The following MAPKAP1 variants were observed in gnomAD, a reference collection of about 807,000 sequenced individuals.
The protein encoded by MAPKAP1 is MAPK associated protein 1, also known as target of rapamycin complex 2 subunit MAPKAP1.
In MAPKAP1, 20 loss-of-function variants were observed where a neutral mutation model predicts 65.7. That is an observed-to-expected ratio of 0.30 (90% CI 0.21 to 0.44). The LOEUF is 0.44. Ranked by LOEUF, MAPKAP1 falls within the 20% of genes least tolerant of loss-of-function variation. The probability of loss-of-function intolerance (pLI) is 1.00; values close to 1 mark genes in which losing one functional copy is unlikely to be tolerated. For synonymous variants in MAPKAP1, 222 were observed against 244.3 expected, an observed-to-expected ratio of 0.91 and a Z score of 0.85; for missense variants, 423 against 648.0, an observed-to-expected ratio of 0.65 and a Z score of 3.77.
chr9:125,544,674 T>C (rs78488900), intron 6 of MAPKAP1, among the ~76,000 whole-genome samples: 2,994 of 152,294 alleles, frequency 0.02, 162 homozygotes, highest in East Asian at 0.15. Context: ...CTATGGAACA[T>C]GGGAATTGCC....
At chr9:125,569,325 G>A (rs2131533096) in intron 5 of MAPKAP1, among the ~76,000 whole-genome samples, 1 of 152,344 alleles carries the variant, frequency 6.6e-6, no homozygotes, top group South Asian at 2.1e-4. Context: ...TCTGGGAAAG[G>A]AAATGGAGAC....
At chr9:125,453,514 G>A (rs775291687) in intron 10 of MAPKAP1, among the ~76,000 whole-genome samples, 3 of 152,256 alleles carry the variant, frequency 2.0e-5, no homozygotes, top group Non-Finnish European at 2.9e-5. Flanking sequence ...TTTTGGAAAA[G>A]TGAGGCATAT....
chr9:125,438,388 C>T lies in MAPKAP1; in HGVS notation c.*499G>A. 2.5e-6 allele frequency: 1 copy of T among 399,104 alleles called. No homozygotes were observed. Among genetic ancestry groups the T allele is most frequent in the Non-Finnish European group, 4.4e-6 (1 of 226,186 alleles). The allele number at this position is 399,104 out of a possible 1,614,324, so 24.7% of individuals were successfully genotyped here. On this transcript the variant is annotated 3_prime_UTR_variant, in exon 12 of 12. Transcript: ENST00000265960. ...ATCGAACCATAGCTTTTCCAATCTG[C>T]CTGTTCAATATGGGAACAGATTTTA...
chr9:125,702,567 C>A (rs1835633743), intron 1 of MAPKAP1, among the ~76,000 whole-genome samples: 1 of 147,142 alleles, frequency 6.8e-6, no homozygotes, highest in Non-Finnish European at 1.5e-5. Flanking sequence ...CTAGCTAGTA[C>A]ATGGCCGGAT....
chr9:125,539,467 T>C (rs1421018413), intron 7 of MAPKAP1, among the ~76,000 whole-genome samples: 1 of 152,186 alleles, frequency 6.6e-6, no homozygotes, highest in Non-Finnish European at 1.5e-5. Flanking sequence ...TATTTCTGTG[T>C]CAATGTTAAA....
At chr9:125,693,676 T>TATATATACACGTATATATACAC (rs1588082936) in intron 1 of MAPKAP1, among the ~76,000 whole-genome samples, 2 of 127,618 alleles carry the variant, frequency 1.6e-5, no homozygotes, top group East Asian at 5.7e-4. Flanking sequence ...CATATACACG[T>TATATATACACGTATATATACAC]ATATATACAC....
At chr9:125,440,002 T>C (rs1419614285) in intron 11 of MAPKAP1, among the ~76,000 whole-genome samples, 5 of 152,140 alleles carry the variant, frequency 3.3e-5, no homozygotes, top group African/African-American at 1.2e-4. Context: ...AGACGCAGCA[T>C]GCATCAAGGC....
At chr9:125,676,509 A>G (rs1010201319) in intron 1 of MAPKAP1, among the ~76,000 whole-genome samples, 2 of 151,294 alleles carry the variant, frequency 1.3e-5, no homozygotes, top group African/African-American at 4.9e-5. Flanking sequence ...GCTAAGTGAA[A>G]TAAGCCAGTC....
intron 8 of MAPKAP1, among the ~76,000 whole-genome samples, chr9:125,499,189 AC>A (rs1409262970): frequency 6.6e-6 from 1 of 152,232 alleles, no homozygotes; most frequent in East Asian, 1.9e-4. Context: ...ACTGCGTAAT[AC>A]ATGATCAGAA....
At chr9:125,598,677 T>G (rs1323012479) in intron 4 of MAPKAP1, among the ~76,000 whole-genome samples, 1 of 152,262 alleles carries the variant, frequency 6.6e-6, no homozygotes. Context: ...GCTCTGTGAG[T>G]CACTATTTTC....
intron 4 of MAPKAP1, among the ~76,000 whole-genome samples, chr9:125,656,073 A>G (rs1346597969): frequency 6.6e-6 from 1 of 152,206 alleles, no homozygotes; most frequent in Non-Finnish European, 1.5e-5. Flanking sequence ...GATCTGTGCT[A>G]TTTTTTGATA....
chr9:125,705,944 C>G (rs946523), intron 1 of MAPKAP1, among the ~76,000 whole-genome samples: 3 of 151,994 alleles, frequency 2.0e-5, no homozygotes, highest in African/African-American at 7.3e-5. Flanking sequence ...GGAAAGGTAA[C>G]CAGGAGCCAG....
At position 125,624,594 on chromosome 9, in the gene MAPKAP1, C is replaced by T. The variant is rs1288152780; in HGVS notation, c.498+33057G>A. On this transcript the variant is annotated intron_variant, in intron 4 of 11. Coordinates refer to ENST00000265960, the MANE Select transcript of MAPKAP1 (RefSeq NM_001006617.3). The stretch of plus-strand genomic sequence containing the variant: ...TCAGCCCCCCGCCCGGCCAGCCGCC[C>T]CGTCCGGGAGGGAGGTGGGGGGGGG... 7.6e-4 allele frequency among the ~76,000 whole-genome samples: 44 copies of T among 58,132 alleles called. 4 individuals carry two copies. The highest frequency in any genetic ancestry group is 1.3e-3 in the Non-Finnish European group (38 of 28,338). 38.1% of individuals were successfully genotyped at this position (58,132 alleles called of 152,430 possible).
At chr9:125,552,377 C>T (rs574490197) in intron 6 of MAPKAP1, among the ~76,000 whole-genome samples, 27 of 152,282 alleles carry the variant, frequency 1.8e-4, no homozygotes, top group African/African-American at 6.3e-4. Flanking sequence ...TCCAATTTCA[C>T]GTTCCCTCCA....
chr9:125,591,054 G>A (rs532569093), intron 4 of MAPKAP1, among the ~76,000 whole-genome samples: 11 of 152,272 alleles, frequency 7.2e-5, no homozygotes, highest in South Asian at 4.1e-4. Context: ...GATTACAAGC[G>A]TGAGTGACTG....
intron 7 of MAPKAP1, among the ~76,000 whole-genome samples, chr9:125,540,373 TAAGAG>T (rs1830207127): frequency 6.6e-6 from 1 of 152,178 alleles, no homozygotes; most frequent in African/African-American, 2.4e-5. Context: ...GGAAAAAAGG[TAAGAG>T]AAGAGAAATG....
chr9:125,624,073 A>G (rs1833006358), intron 4 of MAPKAP1, among the ~76,000 whole-genome samples: 1 of 23,184 alleles, frequency 4.3e-5, no homozygotes, highest in African/African-American at 9.2e-5. Context: ...CCCGTCTGGG[A>G]GGTGAGGGGC....
At chr9:125,507,752 T>G (rs1829184897) in intron 7 of MAPKAP1, among the ~76,000 whole-genome samples, 1 of 152,250 alleles carries the variant, frequency 6.6e-6, no homozygotes, top group Non-Finnish European at 1.5e-5. Flanking sequence ...TATACAACTA[T>G]TTAAGCATAT....
At chr9:125,610,374 T>C (rs1280831844) in intron 4 of MAPKAP1, among the ~76,000 whole-genome samples, 2 of 152,216 alleles carry the variant, frequency 1.3e-5, no homozygotes, top group Non-Finnish European at 2.9e-5. Flanking sequence ...CTCAATACAC[T>C]GGTTGGCAAC....
Sources: allele counts gnomAD v4.1 joint callset (sites outside exome capture counted in the v4.1 genomes callset), GRCh38; gene constraint gnomAD v4.1.1; transcripts MANE v1.5; gene names NCBI Gene and HGNC (gene_info 2026-07-23, HGNC 2026-07-21).